GRIP1: variants seen among roughly 807,000 people sequenced by gnomAD.
GRIP1 encodes glutamate receptor-interacting protein 1.
In GRIP1, 45 loss-of-function variants were observed where a neutral mutation model predicts 129.9. That is an observed-to-expected ratio of 0.35 (90% CI 0.27 to 0.44). GRIP1 has a LOEUF of 0.44. Among genes scored for constraint, GRIP1 ranks in the 20% least tolerant of loss-of-function variants. The pLI is 1.00. For missense variants in GRIP1, 1,196 were observed against 1,396.8 expected (o/e 0.86, Z 2.29); for synonymous variants, 530 against 520.8 (o/e 1.02, Z -0.24).
At chr12:66,545,140 A>C (rs1766496756) in intron 2 of GRIP1, among the ~76,000 whole-genome samples, 1 of 152,146 alleles carries the variant, frequency 6.6e-6, no homozygotes, top group Non-Finnish European at 1.5e-5. Context: ...TCTGAATTTG[A>C]CTTTTTCCTT....
At chr12:66,503,020 T>C (rs1592443086) in intron 7 of GRIP1, among the ~76,000 whole-genome samples, 1 of 152,280 alleles carries the variant, frequency 6.6e-6, no homozygotes, top group South Asian at 2.1e-4. Context: ...TATCAGGTGA[T>C]GGTTTGGCAG....
intron 2 of GRIP1, among the ~76,000 whole-genome samples, chr12:66,590,129 G>A (rs750289499): frequency 1.3e-5 from 2 of 152,012 alleles, no homozygotes; most frequent in African/African-American, 2.4e-5. Flanking sequence ...GAGTCACTCC[G>A]ATACCACATG....
chr12:66,679,268 T>A, upstream of GRIP1: 1 of 529,946 alleles, frequency 1.9e-6, no homozygotes, highest in Non-Finnish European at 2.9e-6. Context: ...GTGCATTCTG[T>A]TTAAGGCAAA....
chr12:66,979,296 C>A (rs2042209210), intron 1 of GRIP1, among the ~76,000 whole-genome samples: 1 of 125,886 alleles, frequency 7.9e-6, no homozygotes, highest in Non-Finnish European at 1.6e-5. Context: ...CTAGATAATT[C>A]TGAAATTACT....
At chr12:66,377,095 G>T (rs1467285829) in intron 21 of GRIP1, 34 bp from the exon 22 acceptor site, 2 of 1,594,780 alleles carry the variant, frequency 1.3e-6, no homozygotes, top group Admixed American at 1.7e-5. Flanking sequence ...AAATGAACTG[G>T]TGTGAGAAAT....
At chr12:66,488,091 A>T (rs2060005205) in intron 7 of GRIP1, among the ~76,000 whole-genome samples, 1 of 152,220 alleles carries the variant, frequency 6.6e-6, no homozygotes. Context: ...ATTAGTGAAG[A>T]TATTCAGGAC....
Position 66,973,924 on chromosome 12 carries a change from T to C in GRIP1, c.58+95126A>G, listed in dbSNP as rs952469. ...GAAGGCTTTTCTTTTCTTTTCTTTT[T>C]TTTTTTTTTTTTTGAGTCAGAGTCT... On this transcript the variant is annotated intron_variant, in intron 1 of 1. Coordinates refer to the GRIP1 transcript ENST00000643019. Among the ~76,000 whole-genome samples, 150 of 147,030 alleles carry C rather than the reference T, an allele frequency of 1.0e-3. 1 individual carries two copies. Among genetic ancestry groups the C allele is most frequent in the East Asian group, 3.3e-3 (17 of 5,146 alleles).
chr12:66,620,140 A>G (rs2065206107), intron 1 of GRIP1, among the ~76,000 whole-genome samples: 1 of 152,200 alleles, frequency 6.6e-6, no homozygotes, highest in South Asian at 2.1e-4. Flanking sequence ...AACTCAGTTC[A>G]TGACTTCACA....
At chr12:66,629,248 A>T (rs770769046) in intron 1 of GRIP1, among the ~76,000 whole-genome samples, 1 of 152,252 alleles carries the variant, frequency 6.6e-6, no homozygotes, top group Non-Finnish European at 1.5e-5. Flanking sequence ...TTGACAAGAC[A>T]TATTAAAATG....
rs1681850305 is a variant in GRIP1, at chr12:66,723,302, TTC to T, written c.-420+80749_-420+80750del. Among the ~76,000 whole-genome samples, 6 of 45,764 alleles carry T rather than the reference TTC, an allele frequency of 1.3e-4. 1 individual carries two copies. The East Asian group carries it at 3.2e-3, about 24-fold the overall frequency. The allele number at this position is 45,764 out of a possible 152,430, so 30.0% of individuals were successfully genotyped here. A position where few individuals can be genotyped will look rare whatever the true frequency, so the allele number is the denominator to read the frequency against. Reference sequence around the variant, plus strand: ...TTCCTTCCTTTCTTTCTTTCTTTCTTTCTTTTTTTTTTTTTTTTTTTTTTTTT... The same window carrying T: ...TTCCTTCCTTTCTTTCTTTCTTTCTTTTTTTTTTTTTTTTTTTTTTTTTTT... On this transcript the variant is annotated intron_variant, in intron 1 of 4. Coordinates refer to the GRIP1 transcript ENST00000538373.
chr12:66,350,359 T>C (rs188704651), intron 24 of GRIP1, among the ~76,000 whole-genome samples: 110 of 152,094 alleles, frequency 7.2e-4, no homozygotes, highest in African/African-American at 2.7e-3. Context: ...TAGCCGGGCA[T>C]GGTGGTGGGC....
intron 1 of GRIP1, among the ~76,000 whole-genome samples, chr12:66,953,254 T>C (rs1052269293): frequency 1.3e-5 from 2 of 152,078 alleles, no homozygotes; most frequent in Admixed American, 6.6e-5. Flanking sequence ...AAAACTACGA[T>C]TATGCAAAGG....
intron 2 of GRIP1, among the ~76,000 whole-genome samples, chr12:66,582,232 A>C (rs187952225): frequency 2.0e-5 from 3 of 147,742 alleles, no homozygotes; most frequent in Non-Finnish European, 4.5e-5. Context: ...CACTCAATAA[A>C]TTAGGTATTG....
At chr12:66,668,795 C>A (rs117933676) in intron 1 of GRIP1, among the ~76,000 whole-genome samples, 3,925 of 151,806 alleles carry the variant, frequency 0.026, 82 homozygotes, top group Non-Finnish European at 0.037. Context: ...AATAATAATA[C>A]CAGCATGGTG....
chr12:66,701,938 T>C (rs2035367534), intron 1 of GRIP1, among the ~76,000 whole-genome samples: 2 of 152,244 alleles, frequency 1.3e-5, no homozygotes, highest in South Asian at 2.1e-4. Flanking sequence ...GTACAAGCAG[T>C]TGAAAGAGTG....
intron 23 of GRIP1, among the ~76,000 whole-genome samples, chr12:66,367,157 T>G (rs1487758085): frequency 2.0e-5 from 3 of 152,174 alleles, no homozygotes; most frequent in Non-Finnish European, 4.4e-5. Context: ...GGGTTATCAA[T>G]GAACGGTAGC....
intron 2 of GRIP1, among the ~76,000 whole-genome samples, chr12:66,580,873 C>T (rs1277128300): frequency 6.6e-6 from 1 of 151,742 alleles, no homozygotes; most frequent in African/African-American, 2.4e-5. Context: ...AACAAGGATA[C>T]CCAGGAATTG....
intron 1 of GRIP1, among the ~76,000 whole-genome samples, chr12:66,620,027 C>T (rs1267752769): frequency 6.6e-6 from 1 of 152,146 alleles, no homozygotes; most frequent in Admixed American, 6.6e-5. Flanking sequence ...TGATGAGTCG[C>T]TATCATCCAT....
chr12:66,461,490 T>A (rs1040117432), intron 9 of GRIP1, among the ~76,000 whole-genome samples: 3 of 152,176 alleles, frequency 2.0e-5, no homozygotes, highest in African/African-American at 7.2e-5. Flanking sequence ...ATGGTGTGCA[T>A]CCTTGTGAAC....
Sources: gnomAD v4.1 joint callset for allele counts (sites outside exome capture counted in the v4.1 genomes callset) on GRCh38, gnomAD v4.1.1 for gene constraint, MANE v1.5 for transcripts, NCBI Gene and HGNC (gene_info 2026-07-23, HGNC 2026-07-21) for gene names.